PLEKHA7: variants seen among roughly 807,000 people sequenced by gnomAD.
PLEKHA7 encodes the protein pleckstrin homology domain containing A7, also known as pleckstrin homology domain-containing family A member 7.
PLEKHA7 carries 104 observed loss-of-function variants against 170.0 expected under a neutral mutation model. The ratio of observed to expected loss-of-function variants is 0.61; its 90% CI spans 0.52 to 0.72. The LOEUF (loss-of-function observed/expected upper bound fraction) is 0.72. PLEKHA7 is among the 30% of genes least tolerant of loss of function. The pLI, the probability that PLEKHA7 is intolerant of heterozygous loss-of-function variation, is 0.00. For synonymous variants in PLEKHA7, 648 were observed against 660.8 expected (o/e 0.98, Z 0.30); for missense variants, 1,615 against 1,671.7 (o/e 0.97, Z 0.59).
chr11:16,867,694 G>T (rs1854503300), intron 4 of PLEKHA7, among the ~76,000 whole-genome samples: 1 of 152,046 alleles, frequency 6.6e-6, no homozygotes, highest in Non-Finnish European at 1.5e-5. Flanking sequence ...TAGGTAATTG[G>T]TTGCAGCCCC....
At chr11:16,922,922 T>C (rs1315027263) in intron 3 of PLEKHA7, among the ~76,000 whole-genome samples, 1 of 152,204 alleles carries the variant, frequency 6.6e-6, no homozygotes, top group Non-Finnish European at 1.5e-5. Flanking sequence ...CACCATAGCC[T>C]GCTCCATCCA....
At chr11:16,964,171 T>C (rs1385751270) in intron 3 of PLEKHA7, among the ~76,000 whole-genome samples, 1 of 152,220 alleles carries the variant, frequency 6.6e-6, no homozygotes, top group Non-Finnish European at 1.5e-5. Context: ...GGCTCAGTAA[T>C]ATTCAATTAT....
At position 16,816,275 on chromosome 11, in the gene PLEKHA7, G is replaced by A; in HGVS notation, c.1867-11C>T. 6.2e-7 allele frequency: 1 copy of A among 1,606,298 alleles called. No individual in the cohort carries two copies. The highest frequency in any genetic ancestry group is 8.5e-7 in the Non-Finnish European group (1 of 1,173,358). On this transcript the variant is annotated splice_polypyrimidine_tract_variant and intron_variant, in intron 11 of 26. Coordinates refer to ENST00000531066, the MANE Select transcript of PLEKHA7 (RefSeq NM_001329630.2). ...CACATGAGATGAGTTCTGCAAGTGGGGAGACAAGAAGTCACACTGGAGCCC... is the reference window on the plus strand; with the variant it reads ...CACATGAGATGAGTTCTGCAAGTGGAGAGACAAGAAGTCACACTGGAGCCC...
At chr11:16,891,183 G>A (rs957431045) in intron 3 of PLEKHA7, among the ~76,000 whole-genome samples, 7 of 152,062 alleles carry the variant, frequency 4.6e-5, no homozygotes, top group Non-Finnish European at 1.5e-5. Context: ...CCAAAGCACT[G>A]GAATTATAGG....
intron 4 of PLEKHA7, among the ~76,000 whole-genome samples, chr11:16,864,998 T>TC (rs1231190103): frequency 6.6e-6 from 1 of 152,260 alleles, no homozygotes; most frequent in Admixed American, 6.5e-5. Flanking sequence ...TACCACATCC[T>TC]CCATCTTCTC....
At chr11:16,990,167 A>C (rs1863946187) in intron 3 of PLEKHA7, among the ~76,000 whole-genome samples, 1 of 151,474 alleles carries the variant, frequency 6.6e-6, no homozygotes, top group South Asian at 2.1e-4. Context: ...CATTCTCTCA[A>C]AAAAATAAAA....
chr11:16,895,157 C>A (rs1435468933), intron 3 of PLEKHA7, among the ~76,000 whole-genome samples: 2 of 152,102 alleles, frequency 1.3e-5, no homozygotes, highest in African/African-American at 4.8e-5. Context: ...AACTCCAGTA[C>A]AGGGTAAGGG....
chr11:16,970,600 G>A (rs539751045), intron 3 of PLEKHA7, among the ~76,000 whole-genome samples: 6 of 152,066 alleles, frequency 3.9e-5, no homozygotes, highest in Admixed American at 1.3e-4. Context: ...CCAGGAGGTC[G>A]AGGCTGCAGT....
chr11:16,935,243 T>C (rs1860205219), intron 3 of PLEKHA7, among the ~76,000 whole-genome samples: 1 of 152,138 alleles, frequency 6.6e-6, no homozygotes, highest in Non-Finnish European at 1.5e-5. Flanking sequence ...AAGCCCAGCC[T>C]AGCCAATATG....
chr11:16,810,634 A>C (rs1564941529), intron 13 of PLEKHA7, among the ~76,000 whole-genome samples: 1 of 152,380 alleles, frequency 6.6e-6, no homozygotes, highest in East Asian at 1.9e-4. Flanking sequence ...CAGAAAGTCC[A>C]ATAACTAGAT....
intron 9 of PLEKHA7, among the ~76,000 whole-genome samples, chr11:16,828,496 A>G (rs1850841177): frequency 6.6e-6 from 1 of 152,160 alleles, no homozygotes; most frequent in African/African-American, 2.4e-5. Flanking sequence ...GCAGTGTGAG[A>G]ATGGACTAAT....
intron 3 of PLEKHA7, among the ~76,000 whole-genome samples, chr11:17,013,513 C>A (rs955971974): frequency 3.4e-4 from 52 of 152,326 alleles, no homozygotes; most frequent in African/African-American, 1.2e-3. Flanking sequence ...CCAGAGCCTG[C>A]GGCGGGAGAG....
At chr11:16,834,166 A>G (rs752433573) in intron 9 of PLEKHA7, among the ~76,000 whole-genome samples, 10 of 152,012 alleles carry the variant, frequency 6.6e-5, no homozygotes, top group Non-Finnish European at 1.3e-4. Flanking sequence ...ATGTGCCAAC[A>G]TGCTAATTTT....
intron 3 of PLEKHA7, among the ~76,000 whole-genome samples, chr11:16,986,693 A>C (rs1863745516): frequency 6.6e-6 from 1 of 152,194 alleles, no homozygotes; most frequent in Non-Finnish European, 1.5e-5. Flanking sequence ...CAACAACCTG[A>C]GTAACCTTGG....
intron 3 of PLEKHA7, among the ~76,000 whole-genome samples, chr11:16,936,294 C>T (rs898226313): frequency 1.4e-5 from 2 of 145,326 alleles, no homozygotes; most frequent in Admixed American, 1.4e-4. Flanking sequence ...CCCAGCTACT[C>T]GGGAGGCTGA....
In PLEKHA7 at chr11:16,789,429, C is replaced by T. The variant is rs1028731936; in HGVS notation, c.3157-133G>A. ...CACACTCTAGTTGGGCTCCTCTTGG[C>T]CTTAGAGAACTATTTCCTCTAAGCA... On this transcript the variant is annotated intron_variant, in intron 22 of 26. Transcript: ENST00000531066. The surrounding 1 kb of genome is among the most constrained non-coding windows in gnomAD (Gnocchi z 4.6). The T allele has an allele frequency of 3.7e-5, 30 of 817,176 alleles. No homozygotes were observed. The highest frequency in any genetic ancestry group is 4.9e-5 in the Non-Finnish European group (25 of 514,086). The allele number at this position is 817,176 out of a possible 1,614,324, so 50.6% of individuals were successfully genotyped here. A position where few individuals can be genotyped will look rare whatever the true frequency, so the allele number is the denominator to read the frequency against.
intron 3 of PLEKHA7, among the ~76,000 whole-genome samples, chr11:16,893,578 C>G (rs116322968): frequency 2.0e-5 from 3 of 152,164 alleles, no homozygotes; most frequent in African/African-American, 7.2e-5. Context: ...CCCGCCCCCC[C>G]ACAAGGAAGA....
At chr11:16,785,724 C>A (rs1222004179) in intron 24 of PLEKHA7, among the ~76,000 whole-genome samples, 1 of 152,146 alleles carries the variant, frequency 6.6e-6, no homozygotes, top group Non-Finnish European at 1.5e-5. Context: ...GAATTCAGAC[C>A]AGAACTCTGC....
At chr11:16,856,581 C>T (rs1034961679) in intron 4 of PLEKHA7, among the ~76,000 whole-genome samples, 1 of 152,148 alleles carries the variant, frequency 6.6e-6, no homozygotes, top group Non-Finnish European at 1.5e-5. Context: ...TGGGCTTCCC[C>T]ATCAGCATCC....
Sources: gnomAD v4.1 joint callset for allele counts (sites outside exome capture counted in the v4.1 genomes callset) on GRCh38, gnomAD v4.1.1 for gene constraint, Gnocchi (gnomAD v3.1) non-coding constraint, MANE v1.5 for transcripts, NCBI Gene and HGNC (gene_info 2026-07-23, HGNC 2026-07-21) for gene names.